The following BTRC variants were observed in gnomAD, a reference collection of about 807,000 sequenced individuals.
BTRC encodes the protein F-box/WD repeat-containing protein 1A.
In BTRC, 42 loss-of-function variants were observed where a neutral mutation model predicts 85.5. That is an observed-to-expected ratio of 0.49 (90% CI 0.38 to 0.64). BTRC has a LOEUF of 0.64. BTRC is among the 30% of genes least tolerant of loss of function. The pLI is 0.00. For synonymous variants in BTRC, 255 were observed against 263.3 expected, an observed-to-expected ratio of 0.97 and a Z score of 0.30; for missense variants, 594 against 743.5, an observed-to-expected ratio of 0.80 and a Z score of 2.34.
At chr10:101,469,647 A>G (rs1564791696) in intron 3 of BTRC, among the ~76,000 whole-genome samples, 2 of 152,246 alleles carry the variant, frequency 1.3e-5, no homozygotes, top group Non-Finnish European at 2.9e-5. Flanking sequence ...TTTTACAGAT[A>G]TTAATTGTAT....
chr10:101,401,154 T>C (rs539114927), intron 1 of BTRC, among the ~76,000 whole-genome samples: 1 of 152,302 alleles, frequency 6.6e-6, no homozygotes, highest in Admixed American at 6.5e-5. Flanking sequence ...ACAATGAAGT[T>C]TCAGAATAGC....
At chr10:101,551,721 A>G (rs555755631) in intron 14 of BTRC, among the ~76,000 whole-genome samples, 1 of 152,312 alleles carries the variant, frequency 6.6e-6, no homozygotes, top group East Asian at 1.9e-4. Flanking sequence ...TCCGCTGAGG[A>G]CAGTGATTCA....
At chr10:101,466,842 T>A (rs1945385374) in intron 3 of BTRC, among the ~76,000 whole-genome samples, 1 of 152,300 alleles carries the variant, frequency 6.6e-6, no homozygotes. Context: ...TTTTCTACCA[T>A]ATTCCCCTCC....
intron 4 of BTRC, among the ~76,000 whole-genome samples, chr10:101,519,114 C>G (rs530786538): frequency 2.2e-5 from 3 of 135,772 alleles, no homozygotes; most frequent in African/African-American, 8.2e-5. Flanking sequence ...GTTTCGCTCT[C>G]GTTGCCCAGG....
intron 1 of BTRC, among the ~76,000 whole-genome samples, chr10:101,373,966 G>T (rs1269487645): frequency 6.6e-6 from 1 of 151,730 alleles, no homozygotes; most frequent in East Asian, 1.9e-4. Context: ...TGGTCAAAGT[G>T]ATAGAATATA....
intron 1 of BTRC, among the ~76,000 whole-genome samples, chr10:101,355,587 C>G (rs907895382): frequency 1.3e-5 from 2 of 152,048 alleles, no homozygotes; most frequent in Non-Finnish European, 2.9e-5. Context: ...ATTTGCAGTC[C>G]AGTCTTGCTT....
chr10:101,438,242 C>T (rs924348619), intron 2 of BTRC, among the ~76,000 whole-genome samples: 2 of 151,598 alleles, frequency 1.3e-5, no homozygotes, highest in African/African-American at 2.4e-5. Context: ...CTGGCTAATG[C>T]GGTGAAACCC....
intron 1 of BTRC, among the ~76,000 whole-genome samples, chr10:101,395,212 G>C (rs1216318473): frequency 6.6e-6 from 1 of 152,252 alleles, no homozygotes; most frequent in Admixed American, 6.5e-5. Flanking sequence ...GAAAGAAGAA[G>C]GTAGGGTTGG....
chr10:101,430,515 T>C, intron 2 of BTRC, 63 bp downstream of exon 2: 2 of 1,308,074 alleles, frequency 1.5e-6, no homozygotes. Flanking sequence ...TTCATTAGTA[T>C]GTGCCTCCTC....
intron 4 of BTRC, among the ~76,000 whole-genome samples, chr10:101,481,888 C>G (rs1200575986): frequency 6.6e-6 from 1 of 152,198 alleles, no homozygotes; most frequent in Non-Finnish European, 1.5e-5. Context: ...CACATCCTGT[C>G]TTCTGGTTCA....
At chr10:101,448,813 A>T (rs964720819) in intron 2 of BTRC, among the ~76,000 whole-genome samples, 7 of 150,060 alleles carry the variant, frequency 4.7e-5, no homozygotes, top group African/African-American at 1.5e-4. Flanking sequence ...ATGGTGTATA[A>T]TTTTTTTTTT....
intron 1 of BTRC, among the ~76,000 whole-genome samples, chr10:101,360,386 TTTTTTG>T (rs1942169419): frequency 6.8e-6 from 1 of 148,122 alleles, no homozygotes; most frequent in East Asian, 2.0e-4. Flanking sequence ...TTTTTTTTTT[TTTTTTG>T]AGATGGAGTC....
intron 4 of BTRC, among the ~76,000 whole-genome samples, chr10:101,508,250 G>A (rs1946593603): frequency 6.6e-6 from 1 of 152,166 alleles, no homozygotes; most frequent in Non-Finnish European, 1.5e-5. Flanking sequence ...GGCAATGTCA[G>A]TTCATTTCCT....
chr10:101,432,988 A>C (rs1944440130), intron 2 of BTRC, among the ~76,000 whole-genome samples: 1 of 152,078 alleles, frequency 6.6e-6, no homozygotes, highest in Admixed American at 6.6e-5. Flanking sequence ...GTTGAAACTT[A>C]TAGGTATGGT....
intron 13 of BTRC, among the ~76,000 whole-genome samples, chr10:101,542,479 A>G (rs1013244859): frequency 6.6e-5 from 10 of 152,194 alleles, no homozygotes; most frequent in African/African-American, 2.2e-4. Flanking sequence ...TGATTTTTCT[A>G]TTCGTCCTTA....
chr10:101,439,688 C>G (rs1164761553), intron 2 of BTRC, among the ~76,000 whole-genome samples: 1 of 152,142 alleles, frequency 6.6e-6, no homozygotes, highest in Non-Finnish European at 1.5e-5. Flanking sequence ...AGAAGTGGTG[C>G]TGATGGAGCC....
chr10:101,398,572 G>A (rs553704267), intron 1 of BTRC, among the ~76,000 whole-genome samples: 2 of 152,154 alleles, frequency 1.3e-5, no homozygotes, highest in African/African-American at 4.8e-5. Context: ...CAAAGTGCTG[G>A]GATTATAGGC....
At chr10:101,503,331 C>A (rs887773572) in intron 4 of BTRC, among the ~76,000 whole-genome samples, 28 of 152,080 alleles carry the variant, frequency 1.8e-4, no homozygotes, top group African/African-American at 6.8e-4. Flanking sequence ...TGACTTGGAG[C>A]TTCATTGTCA....
In BTRC at chr10:101,387,528, C is replaced by CTTTTTTTTTTTTTT. The variant is rs535656002; in HGVS notation, c.48+33305_48+33318dup. ...TGTGGCTTTTTATACCTTCATGGGA[C>CTTTTTTTTTTTTTT]TTTTTTTTTTTTTTTTTTGAGATAG... On this transcript the variant is annotated intron_variant, in intron 1 of 14. Coordinates refer to ENST00000370187, the MANE Select transcript of BTRC (RefSeq NM_033637.4). 4.2e-3 allele frequency among the ~76,000 whole-genome samples: 189 copies of CTTTTTTTTTTTTTT among 45,054 alleles called. 34 individuals are homozygous for CTTTTTTTTTTTTTT. Among genetic ancestry groups the CTTTTTTTTTTTTTT allele is most frequent in the African/African-American group, 6.0e-3 (39 of 6,524 alleles). The allele number at this position is 45,054 out of a possible 152,430, so 29.6% of individuals were successfully genotyped here.
Sources: gnomAD v4.1 joint callset for allele counts (sites outside exome capture counted in the v4.1 genomes callset) on GRCh38, gnomAD v4.1.1 for gene constraint, MANE v1.5 for transcripts, NCBI Gene and HGNC (gene_info 2026-07-23, HGNC 2026-07-21) for gene names.